The following PRSS37 variants were observed in gnomAD, a reference collection of about 807,000 sequenced individuals.
The protein encoded by PRSS37 is serine protease 37.
Under a neutral mutation model 28.0 loss-of-function variants are expected in PRSS37, and 25 were observed. That is an observed-to-expected ratio of 0.89 (90% CI 0.65 to 1.25). PRSS37 has a LOEUF of 1.25. PRSS37 is among the 50% of genes most tolerant of loss of function. PRSS37 has a pLI of 0.00. For synonymous variants in PRSS37, 109 were observed against 107.8 expected, an observed-to-expected ratio of 1.01 and a Z score of -0.07; for missense variants, 282 against 292.2, an observed-to-expected ratio of 0.97 and a Z score of 0.25.
chr7:141,837,733 C>G (rs1314869664), intron 3 of PRSS37, 127 bp downstream of exon 3: 1 of 1,545,592 alleles, frequency 6.5e-7, no homozygotes, highest in African/African-American at 1.4e-5. Context: ...CCAGACCACT[C>G]AGGTAGCATC....
chr7:141,841,159 A>T lies in PRSS37; in HGVS notation c.-110T>A. On this transcript the variant is annotated 5_prime_UTR_variant, in exon 1 of 5. The change abolishes the stop of an existing upstream ORF in the 5' untranslated region. Transcript: ENST00000350549. ...CCTGGTAGACTCAGTGGCTATGGTT[A>T]GATACGGAGGCACTCCATGGGATTG... is the stretch of plus-strand genomic sequence containing the variant. 6.4e-7 allele frequency: 1 copy of T among 1,574,722 alleles called. No homozygotes were observed. Among genetic ancestry groups the T allele is most frequent in the Non-Finnish European group, 8.6e-7 (1 of 1,157,554 alleles).
In PRSS37 at chr7:141,838,030, C is replaced by T. The variant is rs748875922; in HGVS notation, c.260G>A (p.Arg87His). Residue 87 changes from arginine to histidine, a missense_variant, in exon 3 of 5, where the codon CGC (arginine) becomes CAC (histidine). Physicochemically the swap from Arg to His is conservative, Grantham distance 29. Transcript: ENST00000350549. Reference sequence around the variant, plus strand: ...GGCGCTATGACTGTAGTTCCAGTAGCGGACGATCTGAATGGGGTTAATTGT... The same window carrying T: ...GGCGCTATGACTGTAGTTCCAGTAGTGGACGATCTGAATGGGGTTAATTGT... ...EQTINPIQIV[R>H]YWNYSHSAPQ... 1.5e-5 allele frequency: 25 copies of T among 1,613,970 alleles called. No homozygotes were observed. Among genetic ancestry groups the T allele is most frequent in the Middle Eastern group, 1.6e-4 (1 of 6,084 alleles).
chr7:141,839,327 A>G lies in PRSS37; in HGVS notation c.176+11T>C. 1 of 1,613,444 alleles carries G rather than the reference A, an allele frequency of 6.2e-7. No homozygotes were observed. Among genetic ancestry groups the G allele is most frequent in the East Asian group, 2.2e-5 (1 of 44,870 alleles). On this transcript the variant is annotated intron_variant, in intron 2 of 4. Transcript: ENST00000350549. ...AGCTGTTTTGGGGATGGGGATGCCC[A>G]AATACTCAACGGTAAATAGCAGTGA... is the stretch of plus-strand genomic sequence containing the variant.
intron 1 of PRSS37, 49 bp from the exon 2 acceptor site, chr7:141,839,528 G>T: frequency 1.4e-6 from 2 of 1,431,560 alleles, no homozygotes; most frequent in Non-Finnish European, 1.9e-6. Flanking sequence ...TAAAAATAAG[G>T]TAACAGTCTC....
chr7:141,836,893 G>C (rs1158239621), intron 4 of PRSS37, among the ~76,000 whole-genome samples: 1 of 152,106 alleles, frequency 6.6e-6, no homozygotes, highest in Non-Finnish European at 1.5e-5. Flanking sequence ...TGAATACCTA[G>C]GAAATGGTGT....
At position 141,841,406 on chromosome 7, in the gene PRSS37, T is replaced by C. The variant is rs1801145287; in HGVS notation, c.-357A>G. 8 of 269,426 alleles carry C rather than the reference T, an allele frequency of 3.0e-5. No individual in the cohort carries two copies. The South Asian group carries it at 3.5e-4, about 12-fold the overall frequency. The allele number at this position is 269,426 out of a possible 1,614,324, so 16.7% of individuals were successfully genotyped here. A position where few individuals can be genotyped will look rare whatever the true frequency, so the allele number is the denominator to read the frequency against. ...GCAGCTCTAGGCTCAGGACTTATCT[T>C]CCCCACAGAGTTTCTGAGACCAGGG... On this transcript the variant is annotated 5_prime_UTR_variant, in exon 1 of 5. Transcript: ENST00000350549.
Position 141,837,876 on chromosome 7 carries a change from C to T in PRSS37, c.414G>A (p.Trp138Ter). ...GTVCLLSGLDWSQENSGRHPD... is the reference protein window; with the variant it reads ...GTVCLLSGLD ...CACACTTACCACTGTTTTCTTGGCT[C>T]CAGTCCAAACCTGAGAGTAGACAGA... Residue 138 changes from tryptophan to a stop codon, truncating the protein, a stop_gained, in exon 3 of 5, where the codon TGG becomes TGA. Coordinates refer to ENST00000350549, the MANE Select transcript of PRSS37 (RefSeq NM_001008270.3). LOFTEE classifies it high-confidence loss of function. 1 of 1,611,536 alleles carries T rather than the reference C, an allele frequency of 6.2e-7. No individual in the cohort carries two copies. Among genetic ancestry groups the T allele is most frequent in the South Asian group, 1.1e-5 (1 of 90,880 alleles).
rs750853601 is a variant in PRSS37, at chr7:141,837,848, A to G, written c.430+12T>C. 6.2e-7 allele frequency: 1 copy of G among 1,603,564 alleles called. No homozygotes were observed. Among genetic ancestry groups the G allele is most frequent in the Non-Finnish European group, 8.5e-7 (1 of 1,173,200 alleles). Reference sequence around the variant, plus strand: ...ACTGATGACCCTGATTTGCTGTGGAAGGCACACTTACCACTGTTTTCTTGG... The same window carrying G: ...ACTGATGACCCTGATTTGCTGTGGAGGGCACACTTACCACTGTTTTCTTGG... On this transcript the variant is annotated intron_variant, in intron 3 of 4. Transcript: ENST00000350549.
chr7:141,836,488 G>A lies in PRSS37; in HGVS notation c.615C>T (p.Ile205=), dbSNP rs748531241. ...TVICKDKLQG[I]EVGHFMGGDV... ...CCCCTCCCATGAAGTGCCCCACCTC[G>A]ATTCCCTGGAGCTTGTCTTTGCAGA... The change falls in exon 5 of 5, where the codon ATC becomes ATT. Residue 205 remains isoleucine, a synonymous_variant. Coordinates refer to ENST00000350549, the MANE Select transcript of PRSS37 (RefSeq NM_001008270.3). 1.5e-5 allele frequency: 24 copies of A among 1,613,904 alleles called. No individual in the cohort carries two copies. The South Asian group carries it at 1.8e-4, about 12-fold the overall frequency.
chr7:141,837,005 A>C, intron 4 of PRSS37, 107 bp downstream of exon 4: 12 of 1,218,298 alleles, frequency 9.8e-6, no homozygotes, highest in Non-Finnish European at 1.4e-5. Context: ...AGCCTTATCA[A>C]ATTCTCAAAA....
Position 141,841,023 on chromosome 7 carries a change from G to T in PRSS37, c.27C>A (p.Val9=). Residue 9 remains valine, a synonymous_variant, in exon 1 of 5, where the codon GTC becomes GTA. Coordinates refer to ENST00000350549, the MANE Select transcript of PRSS37 (RefSeq NM_001008270.3). ...AAGGTCTTGAGTACATACCAGCGAG[G>T]ACACCCAAATAGAAGACATATTTCA... is the stretch of plus-strand genomic sequence containing the variant. The part of the protein sequence containing the change: MKYVFYLG[V]LAGTFFFADS... 1 of 1,613,756 alleles carries T rather than the reference G, an allele frequency of 6.2e-7. No homozygotes were observed. The highest frequency in any genetic ancestry group is 1.1e-5 in the South Asian group (1 of 91,066).
At chr7:141,839,733 A>G (rs974051549) in intron 1 of PRSS37, among the ~76,000 whole-genome samples, 6 of 152,196 alleles carry the variant, frequency 3.9e-5, no homozygotes, top group African/African-American at 1.4e-4. Flanking sequence ...CATCACTGCT[A>G]GTAAATTGAT....
chr7:141,836,567 G>GAA (rs1187365835), intron 4 of PRSS37, 32 bp from the exon 5 acceptor site: 1 of 1,612,112 alleles, frequency 6.2e-7, no homozygotes, highest in South Asian at 1.1e-5. Context: ...GAGAGAGAGA[G>GAA]AGAGAGTAAG....
chr7:141,841,242 G>A lies in PRSS37; in HGVS notation c.-193C>T, dbSNP rs1042306232. ...GATGGCTTCAGAGAGACAGATGAAA[G>A]CCCTCTGTTCCAGGGAAGGTGGAGG... is the stretch of plus-strand genomic sequence containing the variant. On this transcript the variant is annotated 5_prime_UTR_variant, in exon 1 of 5. Coordinates refer to ENST00000350549, the MANE Select transcript of PRSS37 (RefSeq NM_001008270.3). 5 of 1,281,906 alleles carry A rather than the reference G, an allele frequency of 3.9e-6. No homozygotes were observed. The highest frequency in any genetic ancestry group is 5.4e-5 in the Admixed American group (2 of 36,740). 79.4% of individuals were successfully genotyped at this position (1,281,906 alleles called of 1,614,324 possible). A position where few individuals can be genotyped will look rare whatever the true frequency, so the allele number is the denominator to read the frequency against.
Position 141,837,902 on chromosome 7 carries a change from C to T in PRSS37, c.388G>A (p.Val130Ile), listed in dbSNP as rs746899422. ...LATTNVRPGT[V>I]CLLSGLDWSQ... ...CAGTCCAAACCTGAGAGTAGACAGA[C>T]AGTGCCTGGCCTGACATTGGTGGTG... is the stretch of plus-strand genomic sequence containing the variant. The change falls in exon 3 of 5, where the codon GTC becomes ATC. Residue 130 changes from valine (V) to isoleucine (I), a missense_variant. Val to Ile is a conservative substitution (Grantham distance 29). Coordinates refer to ENST00000350549, the MANE Select transcript of PRSS37 (RefSeq NM_001008270.3). The T allele has an allele frequency of 1.2e-5, 19 of 1,613,834 alleles. No homozygotes were observed. The South Asian group carries it at 1.8e-4, about 15-fold the overall frequency.
chr7:141,840,467 A>G (rs1801117411), intron 1 of PRSS37, among the ~76,000 whole-genome samples: 1 of 152,232 alleles, frequency 6.6e-6, no homozygotes. Flanking sequence ...TGAGCTCTCT[A>G]TAGCAGGCAT....
At chr7:141,837,035 A>G (rs577910098) in intron 4 of PRSS37, 77 bp downstream of exon 4, 2 of 1,455,444 alleles carry the variant, frequency 1.4e-6, no homozygotes, top group East Asian at 2.3e-5. Context: ...GACATCTAAA[A>G]TAGTTTTTAC....
In PRSS37 at chr7:141,838,027, T is replaced by C; in HGVS notation, c.263A>G (p.Tyr88Cys). The C allele has an allele frequency of 1.2e-6, 2 of 1,614,160 alleles. No homozygotes were observed. The highest frequency in any genetic ancestry group is 1.7e-6 in the Non-Finnish European group (2 of 1,180,026). The change falls in exon 3 of 5, where the codon TAC becomes TGC. Residue 88 changes from tyrosine to cysteine, a missense_variant. Tyr to Cys is a radical substitution (Grantham distance 194). Coordinates refer to ENST00000350549, the MANE Select transcript of PRSS37 (RefSeq NM_001008270.3). Reference protein sequence around the residue: ...QTINPIQIVRYWNYSHSAPQD... With the variant: ...QTINPIQIVRCWNYSHSAPQD... Reference sequence around the variant, plus strand: ...TGGGGCGCTATGACTGTAGTTCCAGTAGCGGACGATCTGAATGGGGTTAAT... The same window carrying C: ...TGGGGCGCTATGACTGTAGTTCCAGCAGCGGACGATCTGAATGGGGTTAAT...
rs1584805031 is a variant in PRSS37, at chr7:141,841,181, A to G, written c.-132T>C. 1 of 1,521,158 alleles carries G rather than the reference A, an allele frequency of 6.6e-7. No individual in the cohort carries two copies. The allele number at this position is 1,521,158 out of a possible 1,614,324, so 94.2% of individuals were successfully genotyped here. A position where few individuals can be genotyped will look rare whatever the true frequency, so the allele number is the denominator to read the frequency against. On this transcript the variant is annotated 5_prime_UTR_variant, in exon 1 of 5. Transcript: ENST00000350549. Reference sequence around the variant, plus strand: ...GTTAGATACGGAGGCACTCCATGGGATTGGAAAGCAGCTCTGGGCATAAAC... The same window carrying G: ...GTTAGATACGGAGGCACTCCATGGGGTTGGAAAGCAGCTCTGGGCATAAAC...
Sources: allele counts gnomAD v4.1 joint callset (sites outside exome capture counted in the v4.1 genomes callset), GRCh38; gene constraint gnomAD v4.1.1; transcripts MANE v1.5; gene names NCBI Gene and HGNC (gene_info 2026-07-23, HGNC 2026-07-21).